The following TAF1 variants were observed in gnomAD, a reference collection of about 807,000 sequenced individuals.
TAF1 encodes TATA-box binding protein associated factor 1, also known as transcription initiation factor TFIID subunit 1.
In TAF1, 2 loss-of-function variants were observed where a neutral mutation model predicts 138.5. The ratio of observed to expected loss-of-function variants is 0.01; its 90% confidence interval spans 0.01 to 0.05. TAF1 has a LOEUF of 0.05. TAF1 is among the 10% of genes least tolerant of loss of function. The probability of loss-of-function intolerance (pLI) is 1.00; values close to 1 mark genes in which losing one functional copy is unlikely to be tolerated. For missense variants in TAF1, 709 were observed against 1,478.0 expected, an observed-to-expected ratio of 0.48 and a Z score of 8.53; for synonymous variants, 437 against 503.2, an observed-to-expected ratio of 0.87 and a Z score of 1.76.
At chrX:71,446,915 A>G (rs775582258) in intron 32 of TAF1, among the ~76,000 whole-genome samples, 58 of 111,853 alleles carry the variant, frequency 5.2e-4, no homozygotes, top group Non-Finnish European at 9.8e-4. Flanking sequence ...CTCATTCTAC[A>G]TAAGGTAAGG....
intron 13 of TAF1, among the ~76,000 whole-genome samples, chrX:71,503,753 G>A (rs2039566743): frequency 9.1e-6 from 1 of 109,858 alleles, no homozygotes; most frequent in African/African-American, 3.3e-5. Context: ...ATCCTCTGCT[G>A]ACTTTCTGGC....
chrX:71,407,933 A>G (rs747823021), intron 27 of TAF1, 41 bp from the exon 28 acceptor site: 14 of 1,182,849 alleles, frequency 1.2e-5, no homozygotes, highest in Non-Finnish European at 1.5e-5. Context: ...GGCTCTGGCA[A>G]CTGTTATTTG....
intron 26 of TAF1, among the ~76,000 whole-genome samples, 170 bp downstream of exon 26, chrX:71,406,916 ATTTT>A (rs878982877): frequency 1.0e-5 from 1 of 95,606 alleles, no homozygotes; most frequent in Admixed American, 1.2e-4. Flanking sequence ...GAGAAAGTGG[ATTTT>A]TTTTTTTTTT....
At chrX:71,420,751 G>T (rs1170609253) in intron 28 of TAF1, among the ~76,000 whole-genome samples, 1 of 112,925 alleles carries the variant, frequency 8.9e-6, no homozygotes, top group Admixed American at 9.3e-5. Flanking sequence ...TGGAGCTCCC[G>T]TGGGGGTGGG....
At chrX:71,404,890 G>A (rs1247287309) in intron 25 of TAF1, among the ~76,000 whole-genome samples, 1 of 106,360 alleles carries the variant, frequency 9.4e-6, no homozygotes, top group Admixed American at 1.0e-4. Context: ...GTTCAAGATG[G>A]TTTTTGTAGT....
At chrX:71,446,520 A>G (rs936241848) in intron 32 of TAF1, among the ~76,000 whole-genome samples, 2 of 111,889 alleles carry the variant, frequency 1.8e-5, no homozygotes, top group African/African-American at 6.5e-5. Context: ...CCTTCCTACC[A>G]TCCCATTAGT....
At chrX:71,383,829 G>A in intron 12 of TAF1, 133 bp from the exon 13 acceptor site, 1 of 782,104 alleles carries the variant, frequency 1.3e-6, no homozygotes, top group Middle Eastern at 4.2e-4. Context: ...TTTACAGTAT[G>A]TTTGAAAATT....
In TAF1 at chrX:71,376,947, C is replaced by T; in HGVS notation, c.473-3C>T. Reference sequence around the variant, plus strand: ...CCAAAGGGGTTTCTCTTCCTTGTTGCAGTGTCTGAAAATGGAGAAGGCATC... The same window carrying T: ...CCAAAGGGGTTTCTCTTCCTTGTTGTAGTGTCTGAAAATGGAGAAGGCATC... On this transcript the variant is annotated splice_polypyrimidine_tract_variant and splice_region_variant and intron_variant, in intron 4 of 37. Transcript: ENST00000423759. 1 of 1,208,826 alleles carries T rather than the reference C, an allele frequency of 8.3e-7. No homozygotes were observed. The highest frequency in any genetic ancestry group is 1.1e-6 in the Non-Finnish European group (1 of 894,691).
At chrX:71,389,855 TG>T (rs1228152735) in intron 18 of TAF1, 190 bp downstream of exon 18, 3 of 325,054 alleles carry the variant, frequency 9.2e-6, no homozygotes, top group African/African-American at 2.8e-5. Context: ...GATATGGGTT[TG>T]TTTTTTTTTG....
chrX:71,505,455 T>A (rs1350226300), intron 13 of TAF1, among the ~76,000 whole-genome samples: 1 of 111,863 alleles, frequency 8.9e-6, no homozygotes, highest in Non-Finnish European at 1.9e-5. Context: ...ATGTTGATAG[T>A]ATGTATCCTA....
rs779799290 is a variant in TAF1 at position 71,388,250 on chromosome X, G to A, written c.2441G>A (p.Arg814His). ...IRDFLQVFIY[R>H]LFWKSKDRPR... ...TTTGTTGGGCAGGTTTTTATTTACC[G>A]CCTTTTCTGGAAAAGTAAAGATCGG... Residue 814 changes from arginine (R) to histidine (H), a missense_variant, in exon 16 of 38, where the codon CGC (arginine) becomes CAC (histidine). By Grantham distance (29) the Arg-to-His change is conservative. Around this residue, in one of 14 missense-constraint regions of TAF1, gnomAD observed 201 missense variants for 421.3 expected, o/e 0.48. Coordinates refer to ENST00000423759, the MANE Select transcript of TAF1 (RefSeq NM_004606.5). The A allele has an allele frequency of 3.3e-6, 4 of 1,210,021 alleles. No individual in the cohort carries two copies. The highest frequency in any genetic ancestry group is 3.4e-6 in the Non-Finnish European group (3 of 895,088).
At chrX:71,489,088 C>G (rs939547492) in intron 13 of TAF1, among the ~76,000 whole-genome samples, 13 of 107,483 alleles carry the variant, frequency 1.2e-4, no homozygotes, top group Non-Finnish European at 2.3e-4. Flanking sequence ...AAAACACACA[C>G]AAAAAATTCA....
intron 18 of TAF1, among the ~76,000 whole-genome samples, chrX:71,391,898 A>AT (rs2034587819): frequency 9.0e-6 from 1 of 110,794 alleles, no homozygotes; most frequent in African/African-American, 3.3e-5. Context: ...GAGTGTTGGG[A>AT]TTACAGGTGT....
intron 8 of TAF1, among the ~76,000 whole-genome samples, chrX:71,381,190 T>C (rs1477936426): frequency 1.8e-5 from 2 of 112,856 alleles, no homozygotes; most frequent in African/African-American, 6.4e-5. Context: ...AATTCCTTCT[T>C]AAACATTTAG....
intron 32 of TAF1, among the ~76,000 whole-genome samples, chrX:71,437,936 A>G (rs1225239828): frequency 1.9e-5 from 2 of 106,862 alleles, no homozygotes; most frequent in African/African-American, 6.9e-5. Flanking sequence ...CCTGGATTCA[A>G]ACGTTTCTCC....
rs2036892000 is a variant in TAF1, at chrX:71,431,636, G to A, written c.4753+7398G>A. On this transcript the variant is annotated intron_variant, in intron 32 of 37. Coordinates refer to ENST00000423759, the MANE Select transcript of TAF1 (RefSeq NM_004606.5). ...TCCAATATTTAAGATAACAGGTGAGGCCTGGGATGGTGGCTCACGCCTGTA... is the reference window on the plus strand; with the variant it reads ...TCCAATATTTAAGATAACAGGTGAGACCTGGGATGGTGGCTCACGCCTGTA... Among the ~76,000 whole-genome samples the A allele has an allele frequency of 2.7e-5, 3 of 110,994 alleles. No individual in the cohort carries two copies. In the South Asian group the frequency reaches 1.1e-3, roughly 43 times the overall value.
At chrX:71,436,214 ATT>A (rs749919538) in intron 32 of TAF1, among the ~76,000 whole-genome samples, 10 of 84,268 alleles carry the variant, frequency 1.2e-4, no homozygotes, top group African/African-American at 1.4e-4. Flanking sequence ...AGCCCGGCTA[ATT>A]TTTTTTTTTT....
Position 71,393,224 on chromosome X carries a change from T to TTGTGTGTGTGTG in TAF1, c.3052-47_3052-36dup, listed in dbSNP as rs201372159. The TTGTGTGTGTGTG allele has an allele frequency of 1.7e-4, 167 of 955,829 alleles. No homozygotes were observed. The African/African-American group carries it at 3.5e-3, about 20-fold the overall frequency. 78.8% of individuals were successfully genotyped at this position (955,829 alleles called of 1,213,427 possible). On this transcript the variant is annotated intron_variant, in intron 20 of 37. Transcript: ENST00000423759. The stretch of plus-strand genomic sequence containing the variant: ...TTGTCCTTTGAAATCCCTGAATGAT[T>TTGTGTGTGTGTG]TGTGTGTGTGTGTGTGTGTGTGTGT...
intron 32 of TAF1, among the ~76,000 whole-genome samples, chrX:71,431,865 G>C (rs1001608230): frequency 9.4e-6 from 1 of 105,897 alleles, no homozygotes; most frequent in Non-Finnish European, 1.9e-5. Flanking sequence ...GCAGTGAGCC[G>C]AGATTGCACT....
Sources: gnomAD v4.1 joint callset for allele counts (sites outside exome capture counted in the v4.1 genomes callset) on GRCh38, gnomAD v4.1.1 for gene constraint, gnomAD v4.1.1 regional missense constraint, MANE v1.5 for transcripts, NCBI Gene and HGNC (gene_info 2026-07-23, HGNC 2026-07-21) for gene names.